VAV2: variants seen among roughly 807,000 people sequenced by gnomAD.
The protein encoded by VAV2 is guanine nucleotide exchange factor VAV2.
A neutral mutation model predicts 132.5 loss-of-function variants in VAV2; 67 were observed. The ratio of observed to expected loss-of-function variants is 0.51; its 90% CI spans 0.42 to 0.62. The LOEUF (loss-of-function observed/expected upper bound fraction) is 0.62, where lower values mean the gene tolerates loss of function less well. Among genes scored for constraint, VAV2 ranks in the 20% least tolerant of loss-of-function variants. VAV2 has a pLI of 0.00. For missense variants in VAV2, 938 were observed against 1,153.6 expected (o/e 0.81, Z 2.71); for synonymous variants, 492 against 443.5 (o/e 1.11, Z -1.37).
At chr9:133,985,914 G>A (rs1027252115) in intron 1 of VAV2, among the ~76,000 whole-genome samples, 1 of 152,028 alleles carries the variant, frequency 6.6e-6, no homozygotes, top group Non-Finnish European at 1.5e-5. Flanking sequence ...ATCCAAACTG[G>A]AGACATGGCA....
chr9:133,947,129 A>C (rs561257), intron 1 of VAV2, among the ~76,000 whole-genome samples: 62,966 of 152,006 alleles, frequency 0.41, 13,147 homozygotes, highest in African/African-American at 0.42. Context: ...CCAAGACGTC[A>C]GGGGCCCCCA....
At chr9:133,777,778 C>A (rs1334726255) in intron 22 of VAV2, among the ~76,000 whole-genome samples, 1 of 152,130 alleles carries the variant, frequency 6.6e-6, no homozygotes, top group Non-Finnish European at 1.5e-5. Flanking sequence ...GCTCAGATGG[C>A]CTTTTGCACC....
chr9:133,892,929 A>G (rs1839038218), intron 2 of VAV2, among the ~76,000 whole-genome samples: 1 of 152,220 alleles, frequency 6.6e-6, no homozygotes, highest in South Asian at 2.1e-4. Context: ...GCCCACCCCC[A>G]GAATTATCAT....
intron 29 of VAV2, among the ~76,000 whole-genome samples, chr9:133,765,624 C>T (rs926519874): frequency 6.6e-6 from 1 of 152,196 alleles, no homozygotes; most frequent in Non-Finnish European, 1.5e-5. Flanking sequence ...ATTCATGATC[C>T]TGGACTGGAT....
chr9:133,944,722 C>A (rs918765293), intron 1 of VAV2, among the ~76,000 whole-genome samples: 1 of 152,252 alleles, frequency 6.6e-6, no homozygotes, highest in African/African-American at 2.4e-5. Flanking sequence ...TCCTGTCTCG[C>A]CAAGGACGGC....
intron 19 of VAV2, among the ~76,000 whole-genome samples, chr9:133,782,619 G>A (rs1264279164): frequency 2.0e-5 from 3 of 152,206 alleles, no homozygotes; most frequent in African/African-American, 4.8e-5. Flanking sequence ...ACAATCTCTG[G>A]GTGACAAGCT....
chr9:133,828,972 T>C (rs1836159682), intron 4 of VAV2, among the ~76,000 whole-genome samples: 1 of 152,226 alleles, frequency 6.6e-6, no homozygotes, highest in Non-Finnish European at 1.5e-5. Context: ...CTTTCCTTGC[T>C]TTCTGACCCA....
At chr9:133,844,770 G>A (rs775825896) in intron 3 of VAV2, among the ~76,000 whole-genome samples, 1 of 152,230 alleles carries the variant, frequency 6.6e-6, no homozygotes, top group Admixed American at 6.5e-5. Context: ...TGAGGACTAT[G>A]GCACAGGAAC....
chr9:133,938,179 T>G lies in VAV2; in HGVS notation c.321+924A>C, dbSNP rs542873011. On this transcript the variant is annotated intron_variant, in intron 2 of 29. Transcript: ENST00000371850. Reference sequence around the variant, plus strand: ...ATAAACCAGGCAGTAAATATCTTGTTACTTCCCATCAGCAGGTGGAAATCC... The same window carrying G: ...ATAAACCAGGCAGTAAATATCTTGTGACTTCCCATCAGCAGGTGGAAATCC... 5.9e-5 allele frequency among the ~76,000 whole-genome samples: 9 copies of G among 152,276 alleles called. No homozygotes were observed. The South Asian group carries it at 1.2e-3, about 21-fold the overall frequency.
At chr9:133,955,354 G>A (rs1841718280) in intron 1 of VAV2, among the ~76,000 whole-genome samples, 1 of 151,442 alleles carries the variant, frequency 6.6e-6, no homozygotes. Context: ...TGAGTCGGAA[G>A]CACGGTCCCC....
chr9:133,949,782 A>T (rs934266291), intron 1 of VAV2, among the ~76,000 whole-genome samples: 1 of 152,200 alleles, frequency 6.6e-6, no homozygotes, highest in Non-Finnish European at 1.5e-5. Context: ...CCAGAATCCC[A>T]GGATCTTCCC....
intron 29 of VAV2, among the ~76,000 whole-genome samples, chr9:133,767,573 C>T (rs1377143932): frequency 1.3e-5 from 2 of 152,158 alleles, no homozygotes; most frequent in Admixed American, 6.5e-5. Context: ...TCCCAGCCCC[C>T]TAGGTGGGCT....
chr9:133,856,017 T>C (rs1837371177), intron 3 of VAV2, among the ~76,000 whole-genome samples: 1 of 152,186 alleles, frequency 6.6e-6, no homozygotes, highest in African/African-American at 2.4e-5. Context: ...TGGGTGAACC[T>C]TGAAAACAAG....
chr9:133,882,309 G>A (rs914741374), intron 2 of VAV2, among the ~76,000 whole-genome samples: 2 of 152,248 alleles, frequency 1.3e-5, no homozygotes, highest in Non-Finnish European at 2.9e-5. Context: ...AGCCTTCACA[G>A]CCCCAAAGGG....
At chr9:133,922,337 G>A (rs1017257852) in intron 2 of VAV2, among the ~76,000 whole-genome samples, 1 of 152,246 alleles carries the variant, frequency 6.6e-6, no homozygotes, top group African/African-American at 2.4e-5. Context: ...TGTGCCCAGT[G>A]GACCAAGGGG....
intron 3 of VAV2, among the ~76,000 whole-genome samples, chr9:133,843,202 C>T (rs1277551781): frequency 2.0e-5 from 3 of 152,082 alleles, no homozygotes; most frequent in African/African-American, 4.8e-5. Context: ...ACACCCAGCA[C>T]GAAGGCAGCA....
intron 1 of VAV2, among the ~76,000 whole-genome samples, chr9:133,944,156 G>A (rs1346490543): frequency 6.6e-6 from 1 of 152,148 alleles, no homozygotes; most frequent in Non-Finnish European, 1.5e-5. Context: ...TTGTGATGGG[G>A]ACACAATGGC....
chr9:133,809,064 G>A lies in VAV2; in HGVS notation c.642C>T (p.Tyr214=), dbSNP rs766696139. 1 of 1,614,038 alleles carries A rather than the reference G, an allele frequency of 6.2e-7. No homozygotes were observed. Among genetic ancestry groups the A allele is most frequent in the Non-Finnish European group, 8.5e-7 (1 of 1,179,946 alleles). Residue 214 remains tyrosine (Y), a synonymous_variant, in exon 7 of 30, where the codon TAC becomes TAT. Coordinates refer to ENST00000371850, the MANE Select transcript of VAV2 (RefSeq NM_001134398.2). ...LEIQETEAKY[Y]RTLEDIEKNY... Reference sequence around the variant, plus strand: ...CCTTCTCAATGTCCTCCAGGGTGCGGTAGTACTTGGCCTCGGTCTCCTGGA... The same window carrying A: ...CCTTCTCAATGTCCTCCAGGGTGCGATAGTACTTGGCCTCGGTCTCCTGGA...
intron 19 of VAV2, among the ~76,000 whole-genome samples, chr9:133,781,767 C>T (rs1834014796): frequency 6.6e-6 from 1 of 152,132 alleles, no homozygotes; most frequent in African/African-American, 2.4e-5. Flanking sequence ...GGACGGCGTC[C>T]CCCAGCAGAG....
Sources: gnomAD v4.1 joint callset for allele counts (sites outside exome capture counted in the v4.1 genomes callset) on GRCh38, gnomAD v4.1.1 for gene constraint, MANE v1.5 for transcripts, NCBI Gene and HGNC (gene_info 2026-07-23, HGNC 2026-07-21) for gene names.